The following BRCA2 variants were observed in gnomAD, a reference collection of about 807,000 sequenced individuals.
BRCA2 encodes the protein breast cancer type 2 susceptibility protein.
In BRCA2, 203 loss-of-function variants were observed where a neutral mutation model predicts 276.7. The ratio of observed to expected loss-of-function variants is 0.73; its 90% CI spans 0.65 to 0.82. BRCA2 has a LOEUF of 0.82. Ranked by LOEUF, BRCA2 falls within the 40% of genes least tolerant of loss-of-function variation. The pLI, the probability that BRCA2 is intolerant of heterozygous loss-of-function variation, is 0.00. For missense variants in BRCA2, 3,920 were observed against 3,915.0 expected (o/e 1.00, Z -0.03); for synonymous variants, 1,289 against 1,338.4 (o/e 0.96, Z 0.81).
At chr13:32,369,790 T>C (rs2072814861) in intron 18 of BRCA2, among the ~76,000 whole-genome samples, 1 of 152,148 alleles carries the variant, frequency 6.6e-6, no homozygotes, top group South Asian at 2.1e-4. Context: ...GCCCGGGTGG[T>C]CTCGAACTCC....
chr13:32,315,478 T>G (rs2072245115), upstream of BRCA2: 1 of 152,236 alleles, frequency 6.6e-6, no homozygotes, highest in Non-Finnish European at 1.5e-5. Context: ...CAGCGCGGGC[T>G]TGTGGCGCGA....
rs755818549 is a variant in BRCA2, at chr13:32,339,122, A to G, written c.4767A>G (p.Pro1589=). 1.4e-5 allele frequency: 23 copies of G among 1,613,908 alleles called. No individual in the cohort carries two copies. Among genetic ancestry groups the G allele is most frequent in the Non-Finnish European group, 1.6e-5 (19 of 1,179,950 alleles). The change falls in exon 11 of 27, where the codon CCA becomes CCG. Residue 1589 remains proline (P), a synonymous_variant. Coordinates refer to ENST00000380152, the MANE Select transcript of BRCA2 (RefSeq NM_000059.4). Reference sequence around the variant, plus strand: ...AGACCATTGAGATCACAGCTGCCCCAAAGTGTAAAGAAATGCAGAATTCTC... The same window carrying G: ...AGACCATTGAGATCACAGCTGCCCCGAAGTGTAAAGAAATGCAGAATTCTC... ...ACETIEITAA[P]KCKEMQNSLN... is the part of the protein sequence containing the mutation.
rs1165970964 is a variant in BRCA2 at position 32,345,793 on chromosome 13, A to G, written c.6938-1034A>G. ...ATACAATATTTTAAATAATTTTTGCATAAGACAATTTAAATTGTGATCCAT... is the reference window on the plus strand; with the variant it reads ...ATACAATATTTTAAATAATTTTTGCGTAAGACAATTTAAATTGTGATCCAT... On this transcript the variant is annotated intron_variant, in intron 12 of 26. Transcript: ENST00000380152. Among the ~76,000 whole-genome samples the G allele has an allele frequency of 3.9e-5, 6 of 152,032 alleles. No homozygotes were observed. In the East Asian group the frequency reaches 1.2e-3, roughly 29 times the overall value.
rs74047010 is a variant in BRCA2, at chr13:32,348,303, C to T, written c.7007+1407C>T. On this transcript the variant is annotated intron_variant, in intron 13 of 26. Transcript: ENST00000380152. Reference sequence around the variant, plus strand: ...AAATAAATACATAATTTTAAAAGTTCTACTAGTACTGAAGGACATGAGTTT... The same window carrying T: ...AAATAAATACATAATTTTAAAAGTTTTACTAGTACTGAAGGACATGAGTTT... Among the ~76,000 whole-genome samples, 500 of 142,326 alleles carry T rather than the reference C, an allele frequency of 3.5e-3. 7 individuals carry two copies. Among genetic ancestry groups the T allele is most frequent in the African/African-American group, 9.5e-3 (379 of 40,090 alleles). The allele number at this position is 142,326 out of a possible 152,430, so 93.4% of individuals were successfully genotyped here.
chr13:32,334,479 C>T (rs1381192986), intron 10 of BRCA2, among the ~76,000 whole-genome samples: 2 of 151,728 alleles, frequency 1.3e-5, no homozygotes, highest in Non-Finnish European at 2.9e-5. Flanking sequence ...AGTTTAAGAA[C>T]ACCCTGGGCA....
chr13:32,350,381 C>T (rs1356218327), intron 13 of BRCA2, among the ~76,000 whole-genome samples: 1 of 152,038 alleles, frequency 6.6e-6, no homozygotes, highest in Non-Finnish European at 1.5e-5. Context: ...ACAGTAAGTA[C>T]ATAGAAAATA....
intron 15 of BRCA2, among the ~76,000 whole-genome samples, chr13:32,356,825 A>G (rs1389114101): frequency 6.6e-6 from 1 of 152,234 alleles, no homozygotes; most frequent in Non-Finnish European, 1.5e-5. Context: ...CTTCCAAATT[A>G]CTACTTCTTT....
chr13:32,317,979 T>C (rs1046938035), intron 2 of BRCA2, among the ~76,000 whole-genome samples: 3 of 152,242 alleles, frequency 2.0e-5, no homozygotes. Context: ...TGCTTCCTAT[T>C]TTGTCAGAGA....
In BRCA2 at chr13:32,338,906, AG is replaced by A. The variant is rs398122783; in HGVS notation, c.4552del (p.Glu1518AsnfsTer25). 1 of 1,613,892 alleles carries A rather than the reference AG, an allele frequency of 6.2e-7. No individual in the cohort carries two copies. Among genetic ancestry groups the A allele is most frequent in the African/African-American group, 1.3e-5 (1 of 74,934 alleles). On this transcript the variant is annotated frameshift_variant, in exon 11 of 27. Transcript: ENST00000380152. LOFTEE classifies it high-confidence loss of function. ...AACCCGAACGTGATGAAAAGATCAA[AG>A]AACCTACTCTATTGGGTTTTCATAC... ...GQPERDEKIK[E>X]PTLLGFHTAS...
Position 32,326,533 on chromosome 13 carries a change from T to C in BRCA2, c.551T>C (p.Leu184Pro), listed in dbSNP as rs80358775. 4 of 1,613,974 alleles carry C rather than the reference T, an allele frequency of 2.5e-6. No homozygotes were observed. In the East Asian group the frequency reaches 6.7e-5, roughly 27 times the overall value. ...ACACCAAAACATATTTCTGAAAGTC[T>C]AGGAGCTGAGGTGGATCCTGATATG... ...RQTPKHISES[L>P]GAEVDPDMSW... Residue 184 changes from leucine (L) to proline (P), a missense_variant, in exon 7 of 27, where the codon CTA (leucine) becomes CCA (proline). Around this residue, in one of 2 missense-constraint regions of BRCA2, gnomAD observed 3,263 missense variants for 3,156.9 expected, o/e 1.03. Coordinates refer to ENST00000380152, the MANE Select transcript of BRCA2 (RefSeq NM_000059.4).
chr13:32,316,137 C>A (rs1028039485), intron 1 of BRCA2, among the ~76,000 whole-genome samples: 4 of 152,160 alleles, frequency 2.6e-5, no homozygotes, highest in African/African-American at 9.7e-5. Flanking sequence ...GCCCTCTGTC[C>A]CCACTAGCCA....
chr13:32,350,943 A>G (rs767935649), intron 13 of BRCA2, among the ~76,000 whole-genome samples: 34 of 152,028 alleles, frequency 2.2e-4, no homozygotes, highest in Non-Finnish European at 4.4e-4. Context: ...AAACACACCA[A>G]TCAGCGCTCT....
intron 25 of BRCA2, 168 bp from the exon 26 acceptor site, chr13:32,396,729 CT>C: frequency 1.3e-6 from 1 of 757,718 alleles, no homozygotes; most frequent in Non-Finnish European, 2.2e-6. Context: ...ATCACTGATA[CT>C]GGTTTTGTAA....
In BRCA2 at chr13:32,396,990, T is replaced by C. The variant is rs769582388; in HGVS notation, c.9594T>C (p.Cys3198=). 1 of 1,614,110 alleles carries C rather than the reference T, an allele frequency of 6.2e-7. No individual in the cohort carries two copies. Among genetic ancestry groups the C allele is most frequent in the Non-Finnish European group, 8.5e-7 (1 of 1,179,976 alleles). ...AGTGGTCCACCCCAACTAAAGACTGTACTTCAGGGCCGTACACTGCTCAAA... is the reference window on the plus strand; with the variant it reads ...AGTGGTCCACCCCAACTAAAGACTGCACTTCAGGGCCGTACACTGCTCAAA... ...DPKWSTPTKD[C]TSGPYTAQII... is the part of the protein sequence containing the mutation. Residue 3198 remains cysteine, a synonymous_variant, in exon 26 of 27, where the codon TGT becomes TGC. Coordinates refer to ENST00000380152, the MANE Select transcript of BRCA2 (RefSeq NM_000059.4).
chr13:32,356,001 A>G (rs1242710758), intron 14 of BRCA2, among the ~76,000 whole-genome samples: 1 of 151,642 alleles, frequency 6.6e-6, no homozygotes, highest in Non-Finnish European at 1.5e-5. Context: ...GAGCATGTAA[A>G]CTTCGAGGAA....
chr13:32,376,090 TGC>T (rs2072869318), intron 20 of BRCA2, among the ~76,000 whole-genome samples: 1 of 152,106 alleles, frequency 6.6e-6, no homozygotes, highest in African/African-American at 2.4e-5. Context: ...TTTAAAAAAA[TGC>T]AGTATCTATG....
chr13:32,318,914 C>G (rs536936252), intron 2 of BRCA2, among the ~76,000 whole-genome samples, 163 bp from the exon 3 acceptor site: 1 of 152,120 alleles, frequency 6.6e-6, no homozygotes, highest in African/African-American at 2.4e-5. Context: ...TCTATAGATT[C>G]GCAAGAGAAT....
intron 13 of BRCA2, among the ~76,000 whole-genome samples, chr13:32,351,953 C>T (rs2072655356): frequency 6.6e-6 from 1 of 152,144 alleles, no homozygotes; most frequent in African/African-American, 2.4e-5. Context: ...AGGCGCGTGC[C>T]ACCATGCCCG....
rs1057522416 is a variant in BRCA2 at position 32,338,438 on chromosome 13, G to A, written c.4083G>A (p.Gln1361=). 1.9e-6 allele frequency: 3 copies of A among 1,611,394 alleles called. No individual in the cohort carries two copies. The African/African-American group carries it at 4.0e-5, about 22-fold the overall frequency. The change falls in exon 11 of 27, where the codon CAG becomes CAA. Residue 1361 remains glutamine (Q), a synonymous_variant. Transcript: ENST00000380152. ...KDETDLLFTD[Q]HNICLKLSGQ... ...AAACGGACTTGCTATTTACTGATCA[G>A]CACAACATATGTCTTAAATTATCTG...
Sources: allele counts gnomAD v4.1 joint callset (sites outside exome capture counted in the v4.1 genomes callset), GRCh38; gene constraint gnomAD v4.1.1; regional missense constraint gnomAD v4.1.1; transcripts MANE v1.5; gene names NCBI Gene and HGNC (gene_info 2026-07-23, HGNC 2026-07-21).